Variants in PCDH11Y observed in about 807,000 individuals in gnomAD.
PCDH11Y encodes the protein protocadherin-11 Y-linked.
For missense variants in PCDH11Y, 12 were observed against 224.8 expected, an observed-to-expected ratio of 0.05 and a Z score of 6.05; for synonymous variants, 9 against 83.6, an observed-to-expected ratio of 0.11 and a Z score of 4.87.
intron 1 of PCDH11Y, among the ~76,000 whole-genome samples, chrY:5,007,870 T>C: frequency 6.2e-5 from 2 of 32,419 alleles, no homozygotes; most frequent in Admixed American, 2.9e-4. Context: ...TTTGAGTATA[T>C]GTTGTCAAAG....
At chrY:5,330,550 G>C (rs2053130068) in intron 2 of PCDH11Y, among the ~76,000 whole-genome samples, 1 of 33,812 alleles carries the variant, frequency 3.0e-5, no homozygotes, top group African/African-American at 1.1e-4. Flanking sequence ...CCTTATACAT[G>C]GATATTGGGA....
chrY:5,299,038 A>G, intron 2 of PCDH11Y, among the ~76,000 whole-genome samples: 1 of 33,139 alleles, frequency 3.0e-5, no homozygotes, highest in Non-Finnish European at 7.5e-5. Flanking sequence ...ACAAACCTCC[A>G]TGTTTCCTAT....
intron 2 of PCDH11Y, among the ~76,000 whole-genome samples, chrY:5,232,655 G>A: frequency 6.1e-5 from 2 of 32,529 alleles, no homozygotes; most frequent in Non-Finnish European, 1.5e-4. Context: ...CCTGGGGTTA[G>A]GGTAGGGATG....
intron 3 of PCDH11Y, among the ~76,000 whole-genome samples, chrY:5,551,744 G>A (rs2053418765): frequency 6.2e-5 from 2 of 32,275 alleles, no homozygotes; most frequent in Non-Finnish European, 1.5e-4. Context: ...TCAATAGAAA[G>A]GTACCCTTCT....
chrY:5,592,941 A>AT (rs1346944032), intron 4 of PCDH11Y, among the ~76,000 whole-genome samples: 148 of 26,143 alleles, frequency 5.7e-3, no homozygotes, highest in Middle Eastern at 0.018. Flanking sequence ...GTTGCCTTTA[A>AT]TTTTTTTTTT....
intron 1 of PCDH11Y, among the ~76,000 whole-genome samples, chrY:5,088,323 A>G (rs35416328): frequency 6.1e-5 from 2 of 33,049 alleles, no homozygotes; most frequent in Non-Finnish European, 7.4e-5. Context: ...ACTGCTATCA[A>G]TCATTAAAAA....
intron 3 of PCDH11Y, among the ~76,000 whole-genome samples, chrY:5,524,507 C>T: frequency 3.1e-5 from 1 of 32,739 alleles, no homozygotes; most frequent in Admixed American, 2.8e-4. Context: ...TACACATTAA[C>T]GTTATATTTC....
intron 2 of PCDH11Y, among the ~76,000 whole-genome samples, chrY:5,272,582 G>T: frequency 3.0e-5 from 1 of 32,826 alleles, no homozygotes. Flanking sequence ...AATACTTGCT[G>T]ATGACTTTTT....
intron 4 of PCDH11Y, among the ~76,000 whole-genome samples, chrY:5,660,286 G>T: frequency 3.1e-5 from 1 of 31,774 alleles, no homozygotes; most frequent in Non-Finnish European, 7.6e-5. Context: ...CCTAGGTCAC[G>T]TGCCACTTGA....
intron 4 of PCDH11Y, among the ~76,000 whole-genome samples, chrY:5,636,041 G>A: frequency 2.9e-5 from 1 of 34,136 alleles, no homozygotes; most frequent in Non-Finnish European, 7.3e-5. Flanking sequence ...CTAACATTTG[G>A]CATCTGCCAT....
At chrY:5,159,145 C>A in intron 2 of PCDH11Y, among the ~76,000 whole-genome samples, 1 of 31,344 alleles carries the variant, frequency 3.2e-5, no homozygotes, top group South Asian at 7.4e-4. Flanking sequence ...GAGGTTAAGG[C>A]GGCCCCAATG....
chrY:5,294,392 G>T, intron 2 of PCDH11Y, among the ~76,000 whole-genome samples: 1 of 32,189 alleles, frequency 3.1e-5, no homozygotes, highest in Admixed American at 2.9e-4. Flanking sequence ...AAGTAGCTGG[G>T]ATTACAGACA....
chrY:5,380,885 G>A (rs2124674381), intron 2 of PCDH11Y, among the ~76,000 whole-genome samples: 4 of 30,702 alleles, frequency 1.3e-4, no homozygotes, highest in African/African-American at 5.1e-4. Flanking sequence ...CACCGAGCCC[G>A]GCAGTTACTT....
At chrY:5,466,811 T>C in intron 2 of PCDH11Y, among the ~76,000 whole-genome samples, 5 of 32,819 alleles carry the variant, frequency 1.5e-4, no homozygotes, top group Non-Finnish European at 7.6e-5. Context: ...TTGTGAACAA[T>C]AGCAGCATCG....
At chrY:5,540,717 C>T (rs2053405507) in intron 3 of PCDH11Y, among the ~76,000 whole-genome samples, 2 of 35,541 alleles carry the variant, frequency 5.6e-5, no homozygotes, top group African/African-American at 1.1e-4. Flanking sequence ...TTCTCATAAC[C>T]GTTAATTATT....
chrY:5,604,027 A>G, intron 4 of PCDH11Y, among the ~76,000 whole-genome samples: 6 of 32,811 alleles, frequency 1.8e-4, no homozygotes, highest in Non-Finnish European at 3.8e-4. Flanking sequence ...TGAAATGACA[A>G]ATGGAAGAAC....
At chrY:5,525,581 T>G in intron 3 of PCDH11Y, among the ~76,000 whole-genome samples, 1 of 31,432 alleles carries the variant, frequency 3.2e-5, no homozygotes, top group South Asian at 7.6e-4. Flanking sequence ...ATGACGTAGT[T>G]GCCCAATTGT....
downstream of PCDH11Y, among the ~76,000 whole-genome samples, chrY:5,107,923 G>A (rs2052794452): frequency 1.0e-3 from 32 of 31,804 alleles, no homozygotes; most frequent in African/African-American, 3.6e-3. Context: ...GCCGGGCGTG[G>A]TGGCGGGCGC....
chrY:5,068,166 T>C, intron 1 of PCDH11Y, among the ~76,000 whole-genome samples: 2 of 31,812 alleles, frequency 6.3e-5, no homozygotes, highest in Non-Finnish European at 7.7e-5. Context: ...CCCATATTTG[T>C]GGTGCATTGC....
Sources: gnomAD v4.1 joint callset for allele counts (sites outside exome capture counted in the v4.1 genomes callset) on GRCh38, gnomAD v4.1.1 for gene constraint, MANE v1.5 for transcripts, NCBI Gene and HGNC (gene_info 2026-07-23, HGNC 2026-07-21) for gene names.